Variants in CLIP2 observed in about 807,000 individuals in gnomAD.
CLIP2 encodes the protein CAP-Gly domain containing linker protein 2.
CLIP2 carries 41 observed loss-of-function variants against 111.7 expected under a neutral mutation model. The observed-to-expected ratio is 0.37, with a 90% CI of 0.29 to 0.48. The LOEUF is 0.48. CLIP2 is among the 20% of genes least tolerant of loss of function. CLIP2 has a pLI of 0.99. For synonymous variants in CLIP2, 660 were observed against 644.2 expected (o/e 1.02, Z -0.37); for missense variants, 1,160 against 1,422.1 (o/e 0.82, Z 2.96).
At chr7:74,354,068 A>T in intron 4 of CLIP2, 64 bp downstream of exon 4, 1 of 1,540,754 alleles carries the variant, frequency 6.5e-7, no homozygotes, top group East Asian at 2.3e-5. Flanking sequence ...GGCGCAGGGG[A>T]TGGAGATGGG....
At chr7:74,401,107 G>A (rs542037555) in intron 15 of CLIP2, among the ~76,000 whole-genome samples, 8 of 151,696 alleles carry the variant, frequency 5.3e-5, no homozygotes, top group Non-Finnish European at 7.4e-5. Flanking sequence ...TGGTCTGAAG[G>A]GGGAGGCAGC....
At chr7:74,390,222 A>AAAGAAAGG (rs1562727004) in intron 13 of CLIP2, among the ~76,000 whole-genome samples, 2 of 56,060 alleles carry the variant, frequency 3.6e-5, no homozygotes, top group South Asian at 5.8e-4. Context: ...AGAAAGAAAG[A>AAAGAAAGG]AAGGATTAAT....
intron 13 of CLIP2, among the ~76,000 whole-genome samples, chr7:74,395,160 CTTCT>C (rs1554316479): frequency 6.6e-6 from 1 of 151,584 alleles, no homozygotes; most frequent in African/African-American, 2.4e-5. Flanking sequence ...TCTTTTTCTT[CTTCT>C]TTTTTTTTTT....
intron 11 of CLIP2, among the ~76,000 whole-genome samples, chr7:74,385,719 C>T (rs1791071821): frequency 1.3e-5 from 2 of 150,236 alleles, no homozygotes; most frequent in African/African-American, 4.9e-5. Flanking sequence ...TACCTAAGAC[C>T]ACATAGTGTC....
At position 74,376,586 on chromosome 7, in the gene CLIP2, G is replaced by T. The variant is rs781931463; in HGVS notation, c.2185G>T (p.Glu729Ter). 1 of 1,611,652 alleles carries T rather than the reference G, an allele frequency of 6.2e-7. No homozygotes were observed. The highest frequency in any genetic ancestry group is 2.2e-5 in the East Asian group (1 of 44,784). The part of the protein sequence containing the change: ...QEAQDQRRDA[E>*]LRVHELEKLD... ...GGCCCAGGACCAGCGCCGGGATGCC[G>T]AGCTGCGTGTGCACGAGCTGGAAAA... The change falls in exon 10 of 17, where the codon GAG (glutamate) becomes TAG (stop). Residue 729 changes from glutamate to a stop codon, truncating the protein, a stop_gained. Transcript: ENST00000223398. LOFTEE classifies it high-confidence loss of function. This position sits in a 1 kb window ranked among gnomAD's most constrained non-coding sequence, Gnocchi z 7.1.
chr7:74,380,796 C>G lies in CLIP2; in HGVS notation c.2422-10C>G. On this transcript the variant is annotated splice_polypyrimidine_tract_variant and intron_variant, in intron 10 of 16. Coordinates refer to ENST00000223398, the MANE Select transcript of CLIP2 (RefSeq NM_003388.5). ...GGTGAGCATCCCCCTTACAGGGGCT[C>G]TTTTTGCAGATGATTGAGTCGAATG... 1.2e-6 allele frequency: 2 copies of G among 1,602,332 alleles called. No homozygotes were observed. The highest frequency in any genetic ancestry group is 1.7e-6 in the Non-Finnish European group (2 of 1,171,964).
At position 74,339,206 on chromosome 7, in the gene CLIP2, G is replaced by C. The variant is rs1363894243; in HGVS notation, c.678+202G>C. 2.0e-5 allele frequency among the ~76,000 whole-genome samples: 3 copies of C among 152,208 alleles called. No homozygotes were observed. The South Asian group carries it at 6.2e-4, about 31-fold the overall frequency. Reference sequence around the variant, plus strand: ...ACAGGTAATGTGGGCTCTGGAGACTGTTGCTGTGTGACCTTGGGCAAGTGT... The same window carrying C: ...ACAGGTAATGTGGGCTCTGGAGACTCTTGCTGTGTGACCTTGGGCAAGTGT... On this transcript the variant is annotated intron_variant, in intron 3 of 16. Coordinates refer to ENST00000223398, the MANE Select transcript of CLIP2 (RefSeq NM_003388.5).
chr7:74,292,029 A>G (rs782265757), intron 1 of CLIP2, among the ~76,000 whole-genome samples: 5 of 151,496 alleles, frequency 3.3e-5, no homozygotes, highest in Non-Finnish European at 7.4e-5. Flanking sequence ...GGTTCAAGCA[A>G]TTCTGCCTCA....
At chr7:74,347,394 G>T (rs1016230899) in intron 3 of CLIP2, among the ~76,000 whole-genome samples, 1 of 152,032 alleles carries the variant, frequency 6.6e-6, no homozygotes, top group African/African-American at 2.4e-5. Flanking sequence ...TCAGCCTCCC[G>T]GGTAGCTGGG....
chr7:74,387,947 G>A (rs1163106274), intron 12 of CLIP2, among the ~76,000 whole-genome samples: 2 of 152,170 alleles, frequency 1.3e-5, no homozygotes, highest in Non-Finnish European at 2.9e-5. Context: ...CAGCACTTTG[G>A]GAGGCCGAGG....
chr7:74,318,182 G>C (rs571979578), intron 2 of CLIP2, among the ~76,000 whole-genome samples: 11 of 152,062 alleles, frequency 7.2e-5, no homozygotes, highest in African/African-American at 2.7e-4. Flanking sequence ...TCCAAGTAGA[G>C]GGAACAGCAC....
At chr7:74,324,026 A>G (rs1409643998) in intron 2 of CLIP2, among the ~76,000 whole-genome samples, 7 of 151,072 alleles carry the variant, frequency 4.6e-5, no homozygotes, top group Non-Finnish European at 8.9e-5. Flanking sequence ...TTGAGATGGA[A>G]TCTCGCTCTT....
chr7:74,404,235 C>T lies in CLIP2; in HGVS notation c.*387C>T. 1 of 231,346 alleles carries T rather than the reference C, an allele frequency of 4.3e-6. No individual in the cohort carries two copies. The highest frequency in any genetic ancestry group is 8.7e-6 in the Non-Finnish European group (1 of 115,038). The allele number at this position is 231,346 out of a possible 1,614,324, so 14.3% of individuals were successfully genotyped here. On this transcript the variant is annotated 3_prime_UTR_variant, in exon 17 of 17. Coordinates refer to ENST00000223398, the MANE Select transcript of CLIP2 (RefSeq NM_003388.5). ...TTTCCGCCCATTCTCCCTCGGGTCT[C>T]CCCAGAGGGGCCGGCGGGGGCTGGG...
At chr7:74,334,249 T>C (rs181787101) in intron 2 of CLIP2, among the ~76,000 whole-genome samples, 2 of 152,322 alleles carry the variant, frequency 1.3e-5, no homozygotes, top group Admixed American at 1.3e-4. Flanking sequence ...GTTTTGTCCC[T>C]GTGATGCGGG....
intron 13 of CLIP2, 28 bp from the exon 14 acceptor site, chr7:74,397,046 A>C (rs928205166): frequency 1.2e-6 from 2 of 1,609,560 alleles, no homozygotes; most frequent in African/African-American, 1.3e-5. Flanking sequence ...GGCTGAGTGC[A>C]GTGGTTCTGT....
chr7:74,364,134 T>A, intron 7 of CLIP2, 121 bp from the exon 8 acceptor site: 2 of 821,116 alleles, frequency 2.4e-6, no homozygotes, highest in Non-Finnish European at 1.9e-6. Context: ...GACATTTTGA[T>A]GGCCTCGCCT....
rs572511485 is a variant in CLIP2 at position 74,345,014 on chromosome 7, T to C, written c.678+6010T>C. 3.2e-4 allele frequency among the ~76,000 whole-genome samples: 49 copies of C among 152,238 alleles called. 1 individual carries two copies. In the South Asian group the frequency reaches 8.5e-3, roughly 26 times the overall value. Reference sequence around the variant, plus strand: ...AGTAAGAAGAGGTCCACCTGTCTCTTTCACTCCCTGGCTACTCTGAACTTC... The same window carrying C: ...AGTAAGAAGAGGTCCACCTGTCTCTCTCACTCCCTGGCTACTCTGAACTTC... On this transcript the variant is annotated intron_variant, in intron 3 of 16. Transcript: ENST00000223398.
At chr7:74,359,749 G>T (rs1381899054) in intron 6 of CLIP2, among the ~76,000 whole-genome samples, 3 of 152,146 alleles carry the variant, frequency 2.0e-5, no homozygotes, top group East Asian at 1.9e-4. Flanking sequence ...TCTCGTGTCT[G>T]GTTTTTTCTC....
chr7:74,376,852 G>A lies in CLIP2; in HGVS notation c.2421+30G>A. 6.6e-7 allele frequency: 1 copy of A among 1,523,048 alleles called. No homozygotes were observed. Among genetic ancestry groups the A allele is most frequent in the East Asian group, 2.4e-5 (1 of 42,022 alleles). The allele number at this position is 1,523,048 out of a possible 1,614,324, so 94.3% of individuals were successfully genotyped here. A position where few individuals can be genotyped will look rare whatever the true frequency, so the allele number is the denominator to read the frequency against. On this transcript the variant is annotated intron_variant, in intron 10 of 16. Transcript: ENST00000223398. The surrounding 1 kb of genome is among the most constrained non-coding windows in gnomAD (Gnocchi z 7.1). ...GCGCCTGCCCCTCCTGCTGGGGCGG[G>A]AGGGTCGGGCTGGGGAGGGCTTGGC...
Sources: allele counts gnomAD v4.1 joint callset (sites outside exome capture counted in the v4.1 genomes callset), GRCh38; gene constraint gnomAD v4.1.1; non-coding constraint Gnocchi (gnomAD v3.1); transcripts MANE v1.5; gene names NCBI Gene and HGNC (gene_info 2026-07-23, HGNC 2026-07-21).